IMMP2L: variants seen among roughly 807,000 people sequenced by gnomAD.
IMMP2L encodes the protein mitochondrial inner membrane protease subunit 2.
A neutral mutation model predicts 19.3 loss-of-function variants in IMMP2L; 18 were observed. The observed-to-expected ratio is 0.93, with a 90% CI of 0.64 to 1.38. The LOEUF (loss-of-function observed/expected upper bound fraction) is 1.38. IMMP2L is among the 40% of genes most tolerant of loss of function. The probability of loss-of-function intolerance (pLI) is 0.00; values close to 1 mark genes in which losing one functional copy is unlikely to be tolerated. For synonymous variants in IMMP2L, 76 were observed against 73.0 expected, an observed-to-expected ratio of 1.04 and a Z score of -0.21; for missense variants, 233 against 218.2, an observed-to-expected ratio of 1.07 and a Z score of -0.43.
At chr7:111,085,105 G>C (rs549466733) in intron 3 of IMMP2L, among the ~76,000 whole-genome samples, 3 of 152,106 alleles carry the variant, frequency 2.0e-5, no homozygotes, top group African/African-American at 7.2e-5. Context: ...AGAAACATAG[G>C]GAAGAATAAA....
chr7:111,028,342 G>T (rs1827071373), intron 3 of IMMP2L, among the ~76,000 whole-genome samples: 1 of 152,018 alleles, frequency 6.6e-6, no homozygotes, highest in Non-Finnish European at 1.5e-5. Context: ...ACTGTATATT[G>T]TTTGGCATGA....
intron 2 of IMMP2L, among the ~76,000 whole-genome samples, chr7:111,494,577 A>G (rs780820390): frequency 6.6e-6 from 1 of 152,216 alleles, no homozygotes; most frequent in Non-Finnish European, 1.5e-5. Context: ...ACAGAAAACT[A>G]TGTTCAAATC....
rs568712840 is a variant in IMMP2L at position 111,308,355 on chromosome 7, G to T, written c.239+178883C>A. 2.0e-5 allele frequency among the ~76,000 whole-genome samples: 3 copies of T among 151,822 alleles called. No individual in the cohort carries two copies. The East Asian group carries it at 5.8e-4, about 29-fold the overall frequency. ...ATTTGAGAAAAATACAAAAGAAAAG[G>T]AAACTTTGGGTCTTATTGGTGATGT... On this transcript the variant is annotated intron_variant, in intron 3 of 5. Transcript: ENST00000405709.
chr7:111,457,936 G>A (rs1265160824), intron 3 of IMMP2L, among the ~76,000 whole-genome samples: 15 of 147,224 alleles, frequency 1.0e-4, no homozygotes, highest in African/African-American at 3.5e-4. Context: ...CTACTTCTTA[G>A]TATAAATCTT....
At chr7:110,986,836 A>T (rs1284769888) in intron 3 of IMMP2L, among the ~76,000 whole-genome samples, 1 of 151,986 alleles carries the variant, frequency 6.6e-6, no homozygotes, top group Non-Finnish European at 1.5e-5. Flanking sequence ...AAAAAAAAAA[A>T]AATCTCTACT....
At chr7:110,749,265 G>T (rs1337800119) in intron 5 of IMMP2L, among the ~76,000 whole-genome samples, 1 of 152,140 alleles carries the variant, frequency 6.6e-6, no homozygotes, top group East Asian at 1.9e-4. Context: ...GAGAGGATGT[G>T]GAGAAATAGG....
intron 4 of IMMP2L, among the ~76,000 whole-genome samples, chr7:110,894,353 T>G (rs1486204601): frequency 1.3e-5 from 2 of 152,190 alleles, no homozygotes; most frequent in African/African-American, 4.8e-5. Flanking sequence ...GCAGTGGGAC[T>G]ACCAATGTTT....
intron 3 of IMMP2L, among the ~76,000 whole-genome samples, chr7:111,476,491 A>G (rs1019790191): frequency 6.6e-6 from 1 of 152,088 alleles, no homozygotes; most frequent in Admixed American, 6.6e-5. Context: ...TTAAAATAAC[A>G]TTTGTTTATT....
chr7:110,782,202 A>G (rs1004670166), intron 5 of IMMP2L, among the ~76,000 whole-genome samples: 5 of 151,956 alleles, frequency 3.3e-5, no homozygotes, highest in African/African-American at 1.2e-4. Context: ...GATATCCACT[A>G]GGCTTATATC....
At chr7:110,947,351 C>G (rs956454477) in intron 4 of IMMP2L, among the ~76,000 whole-genome samples, 1 of 152,078 alleles carries the variant, frequency 6.6e-6, no homozygotes, top group Non-Finnish European at 1.5e-5. Flanking sequence ...AATACTAGGG[C>G]TCAGGAACAT....
chr7:110,882,763 TTTTTC>T (rs1244671716), intron 5 of IMMP2L, among the ~76,000 whole-genome samples: 3 of 150,960 alleles, frequency 2.0e-5, no homozygotes, highest in African/African-American at 4.9e-5. Context: ...TTGTTTTTTC[TTTTTC>T]TTTTGTTTTT....
chr7:111,320,138 T>C (rs1316328785), intron 3 of IMMP2L, among the ~76,000 whole-genome samples: 1 of 152,052 alleles, frequency 6.6e-6, no homozygotes, highest in Non-Finnish European at 1.5e-5. Context: ...CAATAGATCA[T>C]ACCCAGGCTG....
chr7:110,878,475 AT>A lies in IMMP2L; in HGVS notation c.408+8117del, dbSNP rs1029628599. On this transcript the variant is annotated intron_variant, in intron 5 of 5. Coordinates refer to ENST00000405709, the MANE Select transcript of IMMP2L (RefSeq NM_032549.4). ...TTGGTTTGAAAAGATACATTTTGAT[AT>A]TTTACAAAAAATCTTTTGGAAAGAC... 1.7e-4 allele frequency among the ~76,000 whole-genome samples: 26 copies of A among 152,058 alleles called. 1 individual carries two copies.
At chr7:111,153,233 A>T (rs997444404) in intron 3 of IMMP2L, among the ~76,000 whole-genome samples, 5 of 152,122 alleles carry the variant, frequency 3.3e-5, no homozygotes, top group Non-Finnish European at 7.4e-5. Flanking sequence ...AATTTTAAAG[A>T]AGATTTATAG....
At chr7:111,416,161 A>G (rs1398904383) in intron 3 of IMMP2L, among the ~76,000 whole-genome samples, 1 of 151,894 alleles carries the variant, frequency 6.6e-6, no homozygotes. Context: ...GCACATAAAC[A>G]GAAAATCATC....
chr7:110,942,400 C>G (rs551452001), intron 4 of IMMP2L, among the ~76,000 whole-genome samples: 8 of 151,976 alleles, frequency 5.3e-5, no homozygotes, highest in South Asian at 2.1e-4. Flanking sequence ...TTTTCATGTA[C>G]AAAGCATATC....
intron 3 of IMMP2L, among the ~76,000 whole-genome samples, chr7:111,293,453 A>G (rs1821319410): frequency 6.6e-6 from 1 of 151,508 alleles, no homozygotes; most frequent in Non-Finnish European, 1.5e-5. Flanking sequence ...CTGACATTTG[A>G]CCTCTTGGTG....
chr7:111,034,538 A>C (rs1156823070), intron 3 of IMMP2L, among the ~76,000 whole-genome samples: 1 of 152,114 alleles, frequency 6.6e-6, no homozygotes, highest in Non-Finnish European at 1.5e-5. Flanking sequence ...CTATTCATCC[A>C]TTGATCTATC....
At chr7:110,871,208 A>G (rs1808506096) in intron 5 of IMMP2L, among the ~76,000 whole-genome samples, 1 of 152,130 alleles carries the variant, frequency 6.6e-6, no homozygotes, top group Admixed American at 6.6e-5. Context: ...AAGGGAATGA[A>G]GAATTTCCTT....
Sources: gnomAD v4.1 joint callset for allele counts (sites outside exome capture counted in the v4.1 genomes callset) on GRCh38, gnomAD v4.1.1 for gene constraint, MANE v1.5 for transcripts, NCBI Gene and HGNC (gene_info 2026-07-23, HGNC 2026-07-21) for gene names.